The following MAPK10 variants were observed in gnomAD, a reference collection of about 807,000 sequenced individuals.
The protein encoded by MAPK10 is mitogen-activated protein kinase 10.
In MAPK10, 25 loss-of-function variants were observed where a neutral mutation model predicts 59.3. That is an observed-to-expected ratio of 0.42 (90% CI 0.31 to 0.59). The LOEUF (loss-of-function observed/expected upper bound fraction) is 0.59, where lower values mean the gene tolerates loss of function less well. Ranked by LOEUF, MAPK10 falls within the 20% of genes least tolerant of loss-of-function variation. MAPK10 has a pLI of 0.15. For synonymous variants in MAPK10, 190 were observed against 200.5 expected (o/e 0.95, Z 0.44); for missense variants, 351 against 568.9 (o/e 0.62, Z 3.90).
At chr4:86,040,922 A>G (rs1298694168) in intron 11 of MAPK10, 1 of 152,196 alleles carries the variant, frequency 6.6e-6, no homozygotes, top group African/African-American at 2.4e-5. Context: ...TTCCACAACA[A>G]AAGTTGAGGG....
chr4:86,493,366 C>CTAGATTAAT (rs1285748790), intron 1 of MAPK10, among the ~76,000 whole-genome samples: 1 of 152,178 alleles, frequency 6.6e-6, no homozygotes, highest in African/African-American at 2.4e-5. Context: ...ACTCCTTATG[C>CTAGATTAAT]TAGATTAATT....
At chr4:86,148,453 C>T (rs771126377) in intron 4 of MAPK10, among the ~76,000 whole-genome samples, 24 of 151,942 alleles carry the variant, frequency 1.6e-4, no homozygotes, top group African/African-American at 2.7e-4. Context: ...AGCAACTTTA[C>T]CCATAAGCAG....
intron 13 of MAPK10, among the ~76,000 whole-genome samples, chr4:86,018,407 A>T (rs938965979): frequency 2.0e-5 from 3 of 152,076 alleles, no homozygotes; most frequent in Admixed American, 2.0e-4. Context: ...TTATGAGCTA[A>T]CTCTCCAGCA....
In MAPK10 at chr4:86,314,762, T is replaced by TA. The variant is rs2095743864; in HGVS notation, c.-7+39767dup. ...AAGGAAAATACTTAGATATACAACA[T>TA]AAAAAGTTACAAATCAACCATAATA... is the stretch of plus-strand genomic sequence containing the variant. On this transcript the variant is annotated intron_variant, in intron 2 of 13. Transcript: ENST00000641462. Among the ~76,000 whole-genome samples the TA allele has an allele frequency of 2.0e-5, 3 of 152,184 alleles. No individual in the cohort carries two copies. In the South Asian group the frequency reaches 6.2e-4, roughly 32 times the overall value.
At chr4:86,426,609 G>A (rs1579175610) in intron 1 of MAPK10, among the ~76,000 whole-genome samples, 1 of 152,154 alleles carries the variant, frequency 6.6e-6, no homozygotes, top group East Asian at 1.9e-4. Flanking sequence ...CCCTTTTAGG[G>A]AACTCATAAA....
intron 2 of MAPK10, among the ~76,000 whole-genome samples, chr4:86,198,467 G>A (rs1176178302): frequency 6.6e-6 from 1 of 152,074 alleles, no homozygotes; most frequent in Non-Finnish European, 1.5e-5. Flanking sequence ...TGACCCAGGA[G>A]TCTTGTATCT....
chr4:86,576,983 A>G (rs1345508489), intron 1 of MAPK10, among the ~76,000 whole-genome samples: 2 of 152,166 alleles, frequency 1.3e-5, no homozygotes, highest in Non-Finnish European at 2.9e-5. Context: ...TTGAGGTAAA[A>G]GAATTTCCAA....
chr4:86,366,699 T>C (rs1030753753), intron 1 of MAPK10, among the ~76,000 whole-genome samples: 1 of 152,196 alleles, frequency 6.6e-6, no homozygotes, highest in Non-Finnish European at 1.5e-5. Context: ...AGGAGATTTC[T>C]GGGTTCAGCT....
intron 1 of MAPK10, among the ~76,000 whole-genome samples, chr4:86,571,642 G>T (rs1248092232): frequency 3.9e-5 from 6 of 152,024 alleles, no homozygotes; most frequent in African/African-American, 1.4e-4. Context: ...TTCCTGAAAA[G>T]GAATGAATGG....
intron 1 of MAPK10, among the ~76,000 whole-genome samples, chr4:86,464,768 C>T (rs190727291): frequency 1.1e-4 from 16 of 150,310 alleles, no homozygotes; most frequent in South Asian, 6.3e-4. Context: ...TGCAGTGAGC[C>T]GAGATCATAC....
intron 2 of MAPK10, among the ~76,000 whole-genome samples, chr4:86,262,246 C>T (rs183479226): frequency 3.5e-4 from 54 of 152,292 alleles, no homozygotes; most frequent in African/African-American, 1.3e-3. Context: ...CTCTCATGCA[C>T]ATACAATCTT....
rs79252765 is a variant in MAPK10, at chr4:86,406,046, C to T, written c.-122+46984G>A. ...GTAAATGATTAATATAAGACTATCACGTAAGAGGACTGAGAGGACCCATGA... is the reference window on the plus strand; with the variant it reads ...GTAAATGATTAATATAAGACTATCATGTAAGAGGACTGAGAGGACCCATGA... On this transcript the variant is annotated intron_variant, in intron 1 of 13. Coordinates refer to the MAPK10 transcript ENST00000361569. Among the ~76,000 whole-genome samples the T allele has an allele frequency of 9.8e-3, 1,485 of 152,222 alleles. 18 individuals are homozygous for T. The highest frequency in any genetic ancestry group is 0.034 in the African/African-American group (1,409 of 41,536).
At chr4:86,442,897 C>A (rs112556479) in intron 1 of MAPK10, among the ~76,000 whole-genome samples, 8,533 of 152,162 alleles carry the variant, frequency 0.056, 335 homozygotes, top group African/African-American at 0.089. Flanking sequence ...ATGTAAGGAG[C>A]TTAGAAGTCA....
chr4:86,574,597 T>A (rs1025987320), intron 1 of MAPK10, among the ~76,000 whole-genome samples: 1 of 152,216 alleles, frequency 6.6e-6, no homozygotes, highest in Non-Finnish European at 1.5e-5. Flanking sequence ...TGATTGCCAT[T>A]CTAACTGGTG....
intron 2 of MAPK10, among the ~76,000 whole-genome samples, chr4:86,258,128 T>A (rs12505336): frequency 0.085 from 12,925 of 152,220 alleles, 1,216 homozygotes; most frequent in African/African-American, 0.23. Flanking sequence ...GGTCATCTCC[T>A]TATTCTTTGT....
chr4:86,161,194 C>T (rs2069515847), intron 3 of MAPK10, among the ~76,000 whole-genome samples: 1 of 152,014 alleles, frequency 6.6e-6, no homozygotes, highest in African/African-American at 2.4e-5. Flanking sequence ...ACTTATGTTG[C>T]TTGGACAGGA....
intron 3 of MAPK10, among the ~76,000 whole-genome samples, chr4:86,190,087 G>C (rs534479334): frequency 1.3e-5 from 2 of 152,250 alleles, no homozygotes; most frequent in East Asian, 3.9e-4. Context: ...TTGCATCCCA[G>C]GGATGAAGCC....
At chr4:86,163,503 T>C (rs970711877) in intron 3 of MAPK10, among the ~76,000 whole-genome samples, 1 of 152,074 alleles carries the variant, frequency 6.6e-6, no homozygotes, top group African/African-American at 2.4e-5. Flanking sequence ...GTTCAAGTCA[T>C]AGAACAAGAC....
Position 86,012,557 on chromosome 4 carries a change from A to T in MAPK10, c.*4671T>A, listed in dbSNP as rs1741664564. The T allele has an allele frequency of 6.6e-6, 1 of 152,200 alleles. No homozygotes were observed. 9.4% of individuals were successfully genotyped at this position (152,200 alleles called of 1,614,324 possible). On this transcript the variant is annotated 3_prime_UTR_variant, in exon 14 of 14. Coordinates refer to ENST00000641462, the MANE Select transcript of MAPK10 (RefSeq NM_138982.4). ...ACAGAAATCATAATATATTGACTCCATATTACCTAAAAAGAGTCAAAAGAA... is the reference window on the plus strand; with the variant it reads ...ACAGAAATCATAATATATTGACTCCTTATTACCTAAAAAGAGTCAAAAGAA...
Sources: allele counts gnomAD v4.1 joint callset (sites outside exome capture counted in the v4.1 genomes callset), GRCh38; gene constraint gnomAD v4.1.1; transcripts MANE v1.5; gene names NCBI Gene and HGNC (gene_info 2026-07-23, HGNC 2026-07-21).